Variants in PIK3C2G observed in about 807,000 individuals in gnomAD.
PIK3C2G encodes the protein phosphatidylinositol-4-phosphate 3-kinase catalytic subunit type 2 gamma.
Under a neutral mutation model 181.1 loss-of-function variants are expected in PIK3C2G, and 168 were observed. That is an observed-to-expected ratio of 0.93 (90% CI 0.82 to 1.05). The LOEUF is 1.05. Ranked by LOEUF, PIK3C2G falls within the 50% of genes least tolerant of loss-of-function variation. The probability of loss-of-function intolerance (pLI) is 0.00; values close to 1 mark genes in which losing one functional copy is unlikely to be tolerated. For synonymous variants in PIK3C2G, 573 were observed against 592.2 expected, an observed-to-expected ratio of 0.97 and a Z score of 0.47; for missense variants, 1,869 against 1,732.8, an observed-to-expected ratio of 1.08 and a Z score of -1.40.
the PIK3C2G span, among the ~76,000 whole-genome samples, chr12:18,669,960 G>T: frequency 6.6e-6 from 1 of 152,006 alleles, no homozygotes; most frequent in Admixed American, 6.6e-5. Context: ...GAGCCACCGC[G>T]CCCGGCCCTC....
At chr12:18,363,160 A>G (rs772796687) in intron 12 of PIK3C2G, 17 of 236,388 alleles carry the variant, frequency 7.2e-5, no homozygotes, top group Non-Finnish European at 1.3e-4. Flanking sequence ...AATCATTCAC[A>G]CACTGTGCAT....
intron 30 of PIK3C2G, among the ~76,000 whole-genome samples, chr12:18,604,442 T>C (rs1947902352): frequency 1.3e-5 from 2 of 152,132 alleles, no homozygotes; most frequent in South Asian, 4.1e-4. Flanking sequence ...AACACAATAA[T>C]AGTAGGGGAC....
At chr12:18,546,455 G>T (rs1476234731) in intron 26 of PIK3C2G, 23 bp downstream of exon 26, 7 of 1,229,880 alleles carry the variant, frequency 5.7e-6, no homozygotes, top group Non-Finnish European at 8.3e-6. Context: ...ATGAATGTGT[G>T]AGCATGCATG....
chr12:18,606,545 C>T (rs1397188283), intron 30 of PIK3C2G, among the ~76,000 whole-genome samples: 1 of 151,926 alleles, frequency 6.6e-6, no homozygotes, highest in Non-Finnish European at 1.5e-5. Flanking sequence ...AAAAAACATC[C>T]TTTTCAATGT....
upstream of PIK3C2G, among the ~76,000 whole-genome samples, chr12:18,246,916 AAGAGGCTATT>A (rs139240552): frequency 5.9e-3 from 903 of 152,306 alleles, 15 homozygotes; most frequent in African/African-American, 0.021. Flanking sequence ...ATTTAATGGC[AAGAGGCTATT>A]ATAACGAGAA....
At chr12:18,693,763 G>A in the PIK3C2G span, 60 of 1,514,704 alleles carry the variant, frequency 4.0e-5, no homozygotes, top group Non-Finnish European at 5.2e-5. Flanking sequence ...AAGCTATCAT[G>A]GCCACAAACC....
At chr12:18,558,661 A>G (rs975179352) in intron 26 of PIK3C2G, among the ~76,000 whole-genome samples, 2 of 152,148 alleles carry the variant, frequency 1.3e-5, no homozygotes, top group African/African-American at 2.4e-5. Context: ...TCTGCCTAAA[A>G]TGCATTTCAT....
At chr12:18,294,079 T>C (rs1448018752) in intron 5 of PIK3C2G, 64 bp downstream of exon 5, 2 of 737,282 alleles carry the variant, frequency 2.7e-6, no homozygotes, top group African/African-American at 1.8e-5. Flanking sequence ...CACTTGTTTA[T>C]GGTTTTGTTT....
chr12:18,423,900 T>C (rs779138245), intron 17 of PIK3C2G, 45 bp from the exon 18 acceptor site: 18 of 1,203,682 alleles, frequency 1.5e-5, no homozygotes, highest in East Asian at 1.4e-4. Flanking sequence ...TATTCTGCTA[T>C]AATTTTGTTA....
chr12:18,640,173 A>G (rs1214147186), intron 31 of PIK3C2G, among the ~76,000 whole-genome samples: 4 of 152,108 alleles, frequency 2.6e-5, no homozygotes, highest in Non-Finnish European at 4.4e-5. Flanking sequence ...ATTAAAGTAA[A>G]TTATATGTAA....
chr12:18,392,609 CA>C (rs11322613), intron 15 of PIK3C2G, among the ~76,000 whole-genome samples: 19,474 of 151,942 alleles, frequency 0.13, 1,283 homozygotes, highest in African/African-American at 0.16. Context: ...CTTCTTTGGC[CA>C]CTCTATGTGA....
the PIK3C2G span, chr12:18,723,546 C>A: frequency 2.5e-6 from 4 of 1,607,042 alleles, no homozygotes; most frequent in South Asian, 3.3e-5. Flanking sequence ...CATTGTCCTA[C>A]TAAAAAAATG....
chr12:18,701,489 A>C, the PIK3C2G span: 4 of 1,614,008 alleles, frequency 2.5e-6, no homozygotes, highest in Non-Finnish European at 3.4e-6. Context: ...TTTTCACAAA[A>C]CACCACCTCA....
chr12:18,319,084 CA>C (rs34473620), intron 6 of PIK3C2G, among the ~76,000 whole-genome samples: 3 of 148,628 alleles, frequency 2.0e-5, no homozygotes, highest in African/African-American at 5.0e-5. Context: ...GACTCTGTCT[CA>C]AAAAAAAATA....
chr12:18,317,011 C>CTTT lies in PIK3C2G; in HGVS notation c.1137+2965_1137+2967dup, dbSNP rs756099726. Among the ~76,000 whole-genome samples, 57 of 117,174 alleles carry CTTT rather than the reference C, an allele frequency of 4.9e-4. 2 individuals are homozygous for CTTT. The highest frequency in any genetic ancestry group is 1.6e-3 in the African/African-American group (47 of 29,498). 76.9% of individuals were successfully genotyped at this position (117,174 alleles called of 152,430 possible). A position where few individuals can be genotyped will look rare whatever the true frequency, so the allele number is the denominator to read the frequency against. ...ATCCCCATCTCTCTAAGTCTTGATT[C>CTTT]TTTTTTTTTTTTTTTTTTTTGAGAC... is the stretch of plus-strand genomic sequence containing the variant. On this transcript the variant is annotated intron_variant, in intron 6 of 32. Coordinates refer to ENST00000538779, the MANE Select transcript of PIK3C2G (RefSeq NM_001288772.2).
At chr12:18,494,026 T>G (rs1237957953) in intron 20 of PIK3C2G, among the ~76,000 whole-genome samples, 1 of 152,226 alleles carries the variant, frequency 6.6e-6, no homozygotes, top group Non-Finnish European at 1.5e-5. Context: ...ATTTACTTAC[T>G]GGTTTCTTTT....
At chr12:18,582,766 T>G (rs1352302141) in intron 29 of PIK3C2G, among the ~76,000 whole-genome samples, 2 of 152,014 alleles carry the variant, frequency 1.3e-5, no homozygotes, top group East Asian at 3.9e-4. Flanking sequence ...TAGCAGTTAC[T>G]GCCTTCAGTG....
intron 1 of PIK3C2G, among the ~76,000 whole-genome samples, chr12:18,255,718 G>T (rs945179539): frequency 2.4e-4 from 37 of 152,312 alleles, no homozygotes; most frequent in Admixed American, 4.6e-4. Context: ...TGAAAAGATG[G>T]CCTTTGGCTA....
rs1254029090 is a variant in PIK3C2G at position 18,282,519 on chromosome 12, A to G, written c.438A>G (p.Pro146=). 17 of 1,611,064 alleles carry G rather than the reference A, an allele frequency of 1.1e-5. No individual in the cohort carries two copies. Among genetic ancestry groups the G allele is most frequent in the Non-Finnish European group, 1.4e-5 (17 of 1,177,752 alleles). ...ADDSRFSILA[P]SFTSLDKINL... Reference sequence around the variant, plus strand: ...ATTCCAGATTCAGTATTTTAGCTCCATCATTCACAAGTTTGGATAAAATTA... The same window carrying G: ...ATTCCAGATTCAGTATTTTAGCTCCGTCATTCACAAGTTTGGATAAAATTA... Residue 146 remains proline, a synonymous_variant, in exon 2 of 33, where the codon CCA becomes CCG. Coordinates refer to ENST00000538779, the MANE Select transcript of PIK3C2G (RefSeq NM_001288772.2).
Sources: gnomAD v4.1 joint callset for allele counts (sites outside exome capture counted in the v4.1 genomes callset) on GRCh38, gnomAD v4.1.1 for gene constraint, MANE v1.5 for transcripts, NCBI Gene and HGNC (gene_info 2026-07-23, HGNC 2026-07-21) for gene names.